The following HPSE2 variants were observed in gnomAD, a reference collection of about 807,000 sequenced individuals.
HPSE2 encodes the protein inactive heparanase-2.
A neutral mutation model predicts 60.5 loss-of-function variants in HPSE2; 38 were observed. That is an observed-to-expected ratio of 0.63 (90% CI 0.48 to 0.82). The LOEUF (loss-of-function observed/expected upper bound fraction) is 0.82. Among genes scored for constraint, HPSE2 ranks in the 40% least tolerant of loss-of-function variants. The probability of loss-of-function intolerance (pLI) is 0.00; values close to 1 mark genes in which losing one functional copy is unlikely to be tolerated. For missense variants in HPSE2, 713 were observed against 740.4 expected, an observed-to-expected ratio of 0.96 and a Z score of 0.43; for synonymous variants, 295 against 293.2, an observed-to-expected ratio of 1.01 and a Z score of -0.06.
At chr10:99,007,668 GGAGGCC>G (rs1229585192) in intron 3 of HPSE2, among the ~76,000 whole-genome samples, 1 of 152,178 alleles carries the variant, frequency 6.6e-6, no homozygotes, top group Non-Finnish European at 1.5e-5. Flanking sequence ...GATTTTGCCT[GGAGGCC>G]ATAGTTTTCT....
chr10:98,830,207 T>C (rs1025188966), intron 3 of HPSE2, among the ~76,000 whole-genome samples: 1 of 152,196 alleles, frequency 6.6e-6, no homozygotes, highest in African/African-American at 2.4e-5. Context: ...GAATGAGGCA[T>C]ATGCAGTCCC....
chr10:98,692,484 T>A (rs571443), intron 6 of HPSE2, among the ~76,000 whole-genome samples: 1 of 151,932 alleles, frequency 6.6e-6, no homozygotes, highest in Non-Finnish European at 1.5e-5. Context: ...CAAACAAACT[T>A]AAGGCCGGGC....
At chr10:98,848,506 TCTCTTA>T (rs919221753) in intron 3 of HPSE2, among the ~76,000 whole-genome samples, 14 of 152,062 alleles carry the variant, frequency 9.2e-5, no homozygotes, top group African/African-American at 2.9e-4. Context: ...ATAAACACCA[TCTCTTA>T]CTCTTAAGAA....
chr10:99,207,570 A>G (rs547466339), intron 2 of HPSE2, among the ~76,000 whole-genome samples: 1 of 152,332 alleles, frequency 6.6e-6, no homozygotes, highest in Non-Finnish European at 1.5e-5. Context: ...AGTACTAAAA[A>G]TAATAATGGC....
intron 3 of HPSE2, among the ~76,000 whole-genome samples, chr10:98,780,114 A>C (rs1175566430): frequency 6.6e-6 from 1 of 152,122 alleles, no homozygotes; most frequent in South Asian, 2.1e-4. Flanking sequence ...AAGAAATGGT[A>C]TATGTAGGAA....
At chr10:98,838,832 C>T (rs1189218126) in intron 3 of HPSE2, among the ~76,000 whole-genome samples, 2 of 152,136 alleles carry the variant, frequency 1.3e-5, no homozygotes, top group East Asian at 3.9e-4. Context: ...CTTATCCATG[C>T]TACTGGCCTC....
chr10:99,165,081 C>CAAAAAAA (rs56263581), intron 2 of HPSE2, among the ~76,000 whole-genome samples: 3 of 65,760 alleles, frequency 4.6e-5, no homozygotes, highest in Non-Finnish European at 5.4e-5. Context: ...GACTCGGTCT[C>CAAAAAAA]AAAAAAAAAA....
At chr10:99,155,386 A>G in intron 2 of HPSE2, among the ~76,000 whole-genome samples, 2 of 145,322 alleles carry the variant, frequency 1.4e-5, no homozygotes, top group East Asian at 2.0e-4. Flanking sequence ...AAAAGAACAG[A>G]GATTATAACA....
the HPSE2 span, among the ~76,000 whole-genome samples, chr10:99,293,248 A>G: frequency 2.6e-5 from 4 of 152,242 alleles, no homozygotes; most frequent in African/African-American, 9.6e-5. Flanking sequence ...AAGCTATATA[A>G]GTTGATTCAA....
chr10:98,472,776 AT>A (rs898300985), intron 11 of HPSE2, among the ~76,000 whole-genome samples: 1 of 152,202 alleles, frequency 6.6e-6, no homozygotes, highest in Non-Finnish European at 1.5e-5. Flanking sequence ...AAAGGTAAAC[AT>A]ATTTAACTAT....
intron 6 of HPSE2, among the ~76,000 whole-genome samples, chr10:98,692,460 A>C (rs534445): frequency 1.3e-5 from 2 of 152,000 alleles, no homozygotes; most frequent in Admixed American, 1.3e-4. Flanking sequence ...AGCTTACTCA[A>C]TCCATGACTC....
intron 3 of HPSE2, among the ~76,000 whole-genome samples, chr10:99,020,418 A>G (rs868462854): frequency 5.9e-5 from 9 of 152,314 alleles, no homozygotes; most frequent in Middle Eastern, 6.8e-3. Flanking sequence ...GTTATGGAAT[A>G]CTGGTCTCCT....
chr10:98,925,116 T>C (rs529217349), intron 3 of HPSE2, among the ~76,000 whole-genome samples: 36 of 152,342 alleles, frequency 2.4e-4, no homozygotes, highest in Admixed American at 1.5e-3. Context: ...GTGGTGTCAG[T>C]GATTCTAAAG....
intron 3 of HPSE2, among the ~76,000 whole-genome samples, chr10:98,865,132 G>T (rs1394401209): frequency 6.6e-6 from 1 of 152,084 alleles, no homozygotes; most frequent in East Asian, 1.9e-4. Context: ...TCCTAGTTAG[G>T]AGAGGAACTA....
At position 98,890,854 on chromosome 10, in the gene HPSE2, T is replaced by C. The variant is rs937921576; in HGVS notation, c.611-146798A>G. ...GGCTATTTTAGTGACAGGACTAGAT[T>C]GTAAACATTTCTGATCACTCCATCA... On this transcript the variant is annotated intron_variant, in intron 3 of 11. Transcript: ENST00000370552. Among the ~76,000 whole-genome samples, 6 of 152,194 alleles carry C rather than the reference T, an allele frequency of 3.9e-5. No homozygotes were observed. The East Asian group carries it at 1.2e-3, about 29-fold the overall frequency.
chr10:99,248,482 AG>A, the HPSE2 span, among the ~76,000 whole-genome samples: 2 of 152,334 alleles, frequency 1.3e-5, no homozygotes, highest in African/African-American at 4.8e-5. Flanking sequence ...GGCTGTTTCT[AG>A]TAGCCTATGC....
intron 9 of HPSE2, among the ~76,000 whole-genome samples, chr10:98,537,324 A>G (rs977910772): frequency 6.6e-6 from 1 of 152,238 alleles, no homozygotes; most frequent in Admixed American, 6.5e-5. Context: ...GAAATGGTCA[A>G]GACATATGTA....
At chr10:99,137,277 G>A (rs1423744944) in intron 3 of HPSE2, among the ~76,000 whole-genome samples, 1 of 152,154 alleles carries the variant, frequency 6.6e-6, no homozygotes, top group Admixed American at 6.5e-5. Context: ...CCATGCTTAT[G>A]GATAGGAAGA....
chr10:99,062,347 G>C (rs548947194), intron 3 of HPSE2, among the ~76,000 whole-genome samples: 3 of 152,278 alleles, frequency 2.0e-5, no homozygotes, highest in Non-Finnish European at 2.9e-5. Flanking sequence ...TTTAATCCAT[G>C]CTAGGATAGT....
Sources: gnomAD v4.1 joint callset for allele counts (sites outside exome capture counted in the v4.1 genomes callset) on GRCh38, gnomAD v4.1.1 for gene constraint, MANE v1.5 for transcripts, NCBI Gene and HGNC (gene_info 2026-07-23, HGNC 2026-07-21) for gene names.